SPATS2L: variants seen among roughly 807,000 people sequenced by gnomAD.
The protein encoded by SPATS2L is spermatogenesis associated serine rich 2 like, also known as SPATS2-like protein.
In SPATS2L, 30 loss-of-function variants were observed where a neutral mutation model predicts 59.6. That is an observed-to-expected ratio of 0.50 (90% CI 0.38 to 0.68). SPATS2L has a LOEUF of 0.68. Among genes scored for constraint, SPATS2L ranks in the 30% least tolerant of loss-of-function variants. The probability of loss-of-function intolerance (pLI) is 0.00; values close to 1 mark genes in which losing one functional copy is unlikely to be tolerated. For synonymous variants in SPATS2L, 252 were observed against 263.5 expected, an observed-to-expected ratio of 0.96 and a Z score of 0.42; for missense variants, 615 against 700.0, an observed-to-expected ratio of 0.88 and a Z score of 1.37.
In SPATS2L at chr2:200,319,997, A is replaced by G. The variant is rs1302908782; in HGVS notation, c.-72-9434A>G. 2.0e-5 allele frequency among the ~76,000 whole-genome samples: 3 copies of G among 152,190 alleles called. No individual in the cohort carries two copies. In the East Asian group the frequency reaches 5.8e-4, roughly 29 times the overall value. ...ACTCTTACTTATTTATCAATTGCAC[A>G]CTTGGAAATGTTACTTTGTCGTTGA... is the stretch of plus-strand genomic sequence containing the variant. On this transcript the variant is annotated intron_variant, in intron 1 of 12. Transcript: ENST00000409140.
chr2:200,470,692 C>T lies in SPATS2L; in HGVS notation c.1060+676C>T, dbSNP rs148786470. Reference sequence around the variant, plus strand: ...TCAATGACGTGGAAACCCACAGCCTCGCAGTCAGCTGAAAAATTAAGATTT... The same window carrying T: ...TCAATGACGTGGAAACCCACAGCCTTGCAGTCAGCTGAAAAATTAAGATTT... On this transcript the variant is annotated intron_variant, in intron 11 of 12. Coordinates refer to ENST00000409140, the MANE Select transcript of SPATS2L (RefSeq NM_001100423.2). Among the ~76,000 whole-genome samples, 738 of 152,266 alleles carry T rather than the reference C, an allele frequency of 4.8e-3. 4 individuals carry two copies. The highest frequency in any genetic ancestry group is 0.017 in the African/African-American group (698 of 41,560).
intron 6 of SPATS2L, among the ~76,000 whole-genome samples, chr2:200,420,118 A>G (rs531220235): frequency 6.6e-6 from 1 of 152,282 alleles, no homozygotes; most frequent in Admixed American, 6.5e-5. Context: ...CTATAGCTAT[A>G]TATTTATTAC....
chr2:200,313,297 G>A (rs1359101474), intron 1 of SPATS2L, among the ~76,000 whole-genome samples: 2 of 152,174 alleles, frequency 1.3e-5, no homozygotes, highest in African/African-American at 4.8e-5. Context: ...CACAGATCTG[G>A]AGCTCTAGTG....
intron 3 of SPATS2L, among the ~76,000 whole-genome samples, chr2:200,407,238 A>G (rs1188998661): frequency 6.6e-6 from 1 of 152,226 alleles, no homozygotes; most frequent in African/African-American, 2.4e-5. Flanking sequence ...TACAGAACCA[A>G]GTTTCAAAAA....
chr2:200,362,139 C>T (rs2163548), intron 2 of SPATS2L, among the ~76,000 whole-genome samples: 2 of 152,034 alleles, frequency 1.3e-5, no homozygotes, highest in South Asian at 2.1e-4. Context: ...CCCAGCTACT[C>T]AGGAGATGGA....
intron 2 of SPATS2L, among the ~76,000 whole-genome samples, chr2:200,336,457 C>T (rs117562629): frequency 6.6e-6 from 1 of 152,180 alleles, no homozygotes; most frequent in East Asian, 1.9e-4. Flanking sequence ...TTGGATACTA[C>T]TGTCATGTAT....
chr2:200,427,341 C>T (rs2083637664), intron 6 of SPATS2L, among the ~76,000 whole-genome samples: 1 of 151,452 alleles, frequency 6.6e-6, no homozygotes. Context: ...CTACTATGTA[C>T]CCACAAAAAT....
At chr2:200,319,924 C>T (rs1209115536) in intron 1 of SPATS2L, among the ~76,000 whole-genome samples, 3 of 152,144 alleles carry the variant, frequency 2.0e-5, no homozygotes, top group Admixed American at 2.0e-4. Flanking sequence ...TTTATCAAGA[C>T]AGCTTTGAAT....
At chr2:200,461,743 A>G (rs115473200) in intron 9 of SPATS2L, among the ~76,000 whole-genome samples, 191 of 152,370 alleles carry the variant, frequency 1.3e-3, no homozygotes, top group African/African-American at 4.2e-3. Flanking sequence ...ATGAAAGATC[A>G]GACCAGATTC....
At chr2:200,336,330 G>A (rs1386744013) in intron 2 of SPATS2L, among the ~76,000 whole-genome samples, 6 of 151,926 alleles carry the variant, frequency 3.9e-5, no homozygotes, top group African/African-American at 1.5e-4. Context: ...AGAAAACATT[G>A]TATTCATTCT....
chr2:200,333,498 A>T (rs1270127826), intron 2 of SPATS2L, among the ~76,000 whole-genome samples: 2 of 151,366 alleles, frequency 1.3e-5, no homozygotes, highest in Admixed American at 6.6e-5. Flanking sequence ...TTTATTTTTT[A>T]TTTTATTTTA....
chr2:200,373,270 C>CAAAAAAAAAAAAAAAAAAAAAAAAA (rs3856514), intron 2 of SPATS2L: 6 of 106,038 alleles, frequency 5.7e-5, no homozygotes, highest in South Asian at 3.1e-4. Flanking sequence ...ACTGCCTTAA[C>CAAAAAAAAAAAAAAAAAAAAAAAAA]AAAAAAAAAA....
intron 1 of SPATS2L, among the ~76,000 whole-genome samples, chr2:200,328,523 T>G (rs1368925140): frequency 1.3e-5 from 2 of 152,130 alleles, no homozygotes; most frequent in African/African-American, 4.8e-5. Context: ...TTGGAGAAGG[T>G]CACCCAGAGA....
At chr2:200,394,860 G>A (rs1422683670) in intron 3 of SPATS2L, among the ~76,000 whole-genome samples, 1 of 152,096 alleles carries the variant, frequency 6.6e-6, no homozygotes, top group Non-Finnish European at 1.5e-5. Flanking sequence ...GTGGTCTCAG[G>A]TAGGCTTCAC....
At chr2:200,365,783 A>G (rs752930328) in intron 2 of SPATS2L, among the ~76,000 whole-genome samples, 1 of 152,160 alleles carries the variant, frequency 6.6e-6, no homozygotes, top group Non-Finnish European at 1.5e-5. Flanking sequence ...AAAGTGGTCT[A>G]ATAAAACTTT....
chr2:200,386,823 C>T (rs1235352240), intron 2 of SPATS2L, among the ~76,000 whole-genome samples: 1 of 152,158 alleles, frequency 6.6e-6, no homozygotes, highest in Non-Finnish European at 1.5e-5. Context: ...TCTCTCTCTC[C>T]TCCCCCTCCA....
chr2:200,448,236 G>GT (rs1363557287), intron 8 of SPATS2L, among the ~76,000 whole-genome samples: 1 of 152,188 alleles, frequency 6.6e-6, no homozygotes, highest in Non-Finnish European at 1.5e-5. Flanking sequence ...GAGGTCAGGA[G>GT]TTAGAGACCA....
At chr2:200,464,771 G>T (rs1344721689) in intron 9 of SPATS2L, among the ~76,000 whole-genome samples, 1 of 52,934 alleles carries the variant, frequency 1.9e-5, no homozygotes, top group Non-Finnish European at 9.9e-5. Context: ...GAGCCACTGC[G>T]CCTGGCAACA....
intron 2 of SPATS2L, among the ~76,000 whole-genome samples, chr2:200,341,810 C>T (rs2080337108): frequency 6.6e-6 from 1 of 151,796 alleles, no homozygotes; most frequent in Non-Finnish European, 1.5e-5. Flanking sequence ...CTGCCTCAGC[C>T]TCCCGAGTAG....
Sources: gnomAD v4.1 joint callset for allele counts (sites outside exome capture counted in the v4.1 genomes callset) on GRCh38, gnomAD v4.1.1 for gene constraint, MANE v1.5 for transcripts, NCBI Gene and HGNC (gene_info 2026-07-23, HGNC 2026-07-21) for gene names.